The following ACACA variants were observed in gnomAD, a reference collection of about 807,000 sequenced individuals.
ACACA encodes the protein acetyl-CoA carboxylase alpha, also known as acetyl-CoA carboxylase 1.
Under a neutral mutation model 296.1 loss-of-function variants are expected in ACACA, and 103 were observed. The observed-to-expected ratio is 0.35, with a 90% CI of 0.30 to 0.41. The LOEUF (loss-of-function observed/expected upper bound fraction) is 0.41, where lower values mean the gene tolerates loss of function less well. Among genes scored for constraint, ACACA ranks in the 10% least tolerant of loss-of-function variants. The pLI is 1.00. For missense variants in ACACA, 1,554 were observed against 2,989.7 expected (o/e 0.52, Z 11.20); for synonymous variants, 953 against 1,038.6 (o/e 0.92, Z 1.58).
At chr17:37,211,318 ATG>A (rs763736412) in intron 29 of ACACA, among the ~76,000 whole-genome samples, 35 of 152,262 alleles carry the variant, frequency 2.3e-4, no homozygotes, top group Non-Finnish European at 1.5e-4. Flanking sequence ...CTTATAAAGA[ATG>A]TGCCAAATCA....
chr17:37,221,800 C>A lies in ACACA; in HGVS notation c.3607G>T (p.Val1203Leu), dbSNP rs751320605. The change falls in exon 29 of 56, where the codon GTA becomes TTA. Residue 1203 changes from valine to leucine, a missense_variant. Val to Leu is a conservative substitution (Grantham distance 32). Coordinates refer to ENST00000616317, the MANE Select transcript of ACACA (RefSeq NM_198834.3). ...TTGTCCTTAAGCTGGCGGTGTTGTA[C>A]GCTGTTAAGTTCATAGGCAATATAA... ...RAYIAYELNSVQHRQLKDNTC... is the reference protein window; with the variant it reads ...RAYIAYELNSLQHRQLKDNTC... 1.2e-6 allele frequency: 2 copies of A among 1,613,988 alleles called. No individual in the cohort carries two copies. The highest frequency in any genetic ancestry group is 2.7e-5 in the African/African-American group (2 of 74,902).
chr17:37,263,795 C>G lies in ACACA; in HGVS notation c.1219G>C (p.Ala407Pro). ...CAATCACGACCAAACAAAGAGATAG[C>G]ATTGCCATATTGGTCCGCTAAGATC... is the stretch of plus-strand genomic sequence containing the variant. ...VQILADQYGNAISLFGRDCSV... is the reference protein window; with the variant it reads ...VQILADQYGNPISLFGRDCSV... Residue 407 changes from alanine to proline, a missense_variant, in exon 11 of 56, where the codon GCT becomes CCT. By Grantham distance (27) the Ala-to-Pro change is conservative. This residue lies in a region of ACACA where 82 missense variants were observed against 185.2 expected (regional missense o/e 0.44). Transcript: ENST00000616317. 1 of 1,614,048 alleles carries G rather than the reference C, an allele frequency of 6.2e-7. No homozygotes were observed. The highest frequency in any genetic ancestry group is 8.5e-7 in the Non-Finnish European group (1 of 1,179,996).
At position 37,225,019 on chromosome 17, in the gene ACACA, T is replaced by C; in HGVS notation, c.3447A>G (p.Gly1149=). 6.2e-7 allele frequency: 1 copy of C among 1,608,394 alleles called. No homozygotes were observed. Among genetic ancestry groups the C allele is most frequent in the South Asian group, 1.1e-5 (1 of 90,926 alleles). ...GCAGGTTCTCAATGCAAAATTGATG[T>C]CCATACATGTCAATAGCTGATAGGA... ...SIFLSAIDMY[G]HQFCIENLQK... Residue 1149 remains glycine (G), a synonymous_variant, in exon 27 of 56, where the codon GGA becomes GGG. Transcript: ENST00000616317.
chr17:37,242,015 G>A lies in ACACA; in HGVS notation c.2970C>T (p.Asn990=), dbSNP rs867660985. The A allele has an allele frequency of 1.4e-5, 22 of 1,613,904 alleles. No homozygotes were observed. In the Middle Eastern group the frequency reaches 3.6e-3, roughly 266 times the overall value. The change falls in exon 23 of 56, where the codon AAC becomes AAT. Residue 990 remains asparagine (N), a synonymous_variant. Transcript: ENST00000616317. ...AGAAGACTTCCCGTTCAGATTTCCG[G>A]TTCAATGTAGCTGCATGGCTATCTA... The part of the protein sequence containing the change: ...NILDSHAATL[N]RKSEREVFFM...
chr17:37,305,891 AGTTTTTTTTTTT>A (rs2083852335), intron 3 of ACACA, among the ~76,000 whole-genome samples: 2 of 137,178 alleles, frequency 1.5e-5, no homozygotes, highest in Admixed American at 7.6e-5. Flanking sequence ...GAATTTTAGC[AGTTTTTTTTTTT>A]GTTTTTTTTT....
rs182233732 is a variant in ACACA at position 37,336,726 on chromosome 17, G to A, written c.85+3078C>T. On this transcript the variant is annotated intron_variant, in intron 2 of 55. Transcript: ENST00000616317. ...AATAATTCCCAATTGTGATTTTGAA[G>A]TGCTCTAAGATATGGTACATTAATA... Among the ~76,000 whole-genome samples the A allele has an allele frequency of 1.7e-3, 261 of 152,254 alleles. 1 individual carries two copies. The highest frequency in any genetic ancestry group is 5.9e-3 in the African/African-American group (246 of 41,554).
chr17:37,366,294 G>C (rs73285184), intron 1 of ACACA, among the ~76,000 whole-genome samples: 5,807 of 151,928 alleles, frequency 0.038, 312 homozygotes, highest in African/African-American at 0.12. Flanking sequence ...ACTCTCTATT[G>C]TTGTTATTAT....
chr17:37,226,458 T>C lies in ACACA; in HGVS notation c.3247-6A>G, dbSNP rs753223532. 30 of 1,607,674 alleles carry C rather than the reference T, an allele frequency of 1.9e-5. No homozygotes were observed. Among genetic ancestry groups the C allele is most frequent in the Non-Finnish European group, 2.6e-5 (30 of 1,174,310 alleles). ...TCCCGGCCACACAACTGATCCTAAT[T>C]GTTAATGTAAAAAAGAACATAGATA... On this transcript the variant is annotated splice_polypyrimidine_tract_variant and splice_region_variant and intron_variant, in intron 25 of 55. Transcript: ENST00000616317.
rs2077783956 is a variant in ACACA at position 37,192,089 on chromosome 17, C to A, written c.4416+1G>T. 1 of 1,614,018 alleles carries A rather than the reference C, an allele frequency of 6.2e-7. No individual in the cohort carries two copies. Among genetic ancestry groups the A allele is most frequent in the Non-Finnish European group, 8.5e-7 (1 of 1,179,968 alleles). On this transcript the variant is annotated splice_donor_variant, in intron 37 of 55. Transcript: ENST00000616317. LOFTEE classifies it high-confidence loss of function. Reference sequence around the variant, plus strand: ...ACATCCCATTAAAGTACAGCACCCACCTTGGTGACCAGATCAGAATGCCTG... The same window carrying A: ...ACATCCCATTAAAGTACAGCACCCAACTTGGTGACCAGATCAGAATGCCTG...
chr17:37,153,452 C>T (rs987941313), intron 43 of ACACA, among the ~76,000 whole-genome samples: 3 of 152,182 alleles, frequency 2.0e-5, no homozygotes, highest in East Asian at 1.9e-4. Flanking sequence ...CACAGTTTAA[C>T]GTTAGAATGG....
At chr17:37,187,124 T>C (rs2077568495) in intron 39 of ACACA, among the ~76,000 whole-genome samples, 1 of 152,202 alleles carries the variant, frequency 6.6e-6, no homozygotes, top group Non-Finnish European at 1.5e-5. Flanking sequence ...CTCTTTCTCT[T>C]GGTCACCACT....
chr17:37,366,595 A>G (rs985866674), intron 1 of ACACA, among the ~76,000 whole-genome samples: 1 of 151,662 alleles, frequency 6.6e-6, no homozygotes, highest in African/African-American at 2.4e-5. Flanking sequence ...CAGCCTCCCA[A>G]GTAGCTGGGA....
chr17:37,342,406 CAAAAAAAAAAAAAAA>C (rs1173872959), intron 1 of ACACA, among the ~76,000 whole-genome samples: 1 of 21,110 alleles, frequency 4.7e-5, no homozygotes, highest in Non-Finnish European at 8.2e-5. Context: ...GACTGTCTCT[CAAAAAAAAAAAAAAA>C]AAAAAAAAAA....
intron 50 of ACACA, among the ~76,000 whole-genome samples, chr17:37,120,267 G>GT (rs1047504638): frequency 6.6e-6 from 1 of 150,714 alleles, no homozygotes; most frequent in Non-Finnish European, 1.5e-5. Flanking sequence ...CTATCCTACT[G>GT]TTTTTTCCTT....
At chr17:37,379,669 A>G (rs890585484) in intron 1 of ACACA, among the ~76,000 whole-genome samples, 2 of 152,030 alleles carry the variant, frequency 1.3e-5, no homozygotes, top group Non-Finnish European at 2.9e-5. Context: ...AAAACACATG[A>G]AAAAATGCTC....
chr17:37,225,073 C>T lies in ACACA; in HGVS notation c.3393G>A (p.Glu1131=). The stretch of plus-strand genomic sequence containing the variant: ...TAGACTCTACTTGGTTATGGCGAAG[C>T]TCATATGATGGCAAATGGGAGGCAA... The part of the protein sequence containing the change: ...VLIASHLPSY[E]LRHNQVESIF... Residue 1131 remains glutamate (E), a synonymous_variant, in exon 27 of 56, where the codon GAG becomes GAA. Transcript: ENST00000616317. 6.2e-7 allele frequency: 1 copy of T among 1,612,876 alleles called. No individual in the cohort carries two copies. Among genetic ancestry groups the T allele is most frequent in the South Asian group, 1.1e-5 (1 of 91,042 alleles).
intron 39 of ACACA, among the ~76,000 whole-genome samples, chr17:37,181,900 C>CAAAAAAAAA (rs61045031): frequency 4.5e-5 from 1 of 22,234 alleles, no homozygotes. Context: ...ACTCTGTATC[C>CAAAAAAAAA]AAAAAAAAAA....
At chr17:37,325,347 C>T (rs1185334601) in intron 3 of ACACA, among the ~76,000 whole-genome samples, 1 of 145,580 alleles carries the variant, frequency 6.9e-6, no homozygotes, top group South Asian at 2.2e-4. Flanking sequence ...GCCTGTACAA[C>T]AAGAGTGAAA....
Position 37,380,872 on chromosome 17 carries a change from A to G in ACACA, c.38+25390T>C, listed in dbSNP as rs547833215. ...TGGCCTCCCAAACTGCTGGGATTAC[A>G]GGCGTGAGCCACCGTGCCTGGCCAG... On this transcript the variant is annotated intron_variant, in intron 1 of 55. Coordinates refer to ENST00000616317, the MANE Select transcript of ACACA (RefSeq NM_198834.3). 4.6e-5 allele frequency among the ~76,000 whole-genome samples: 7 copies of G among 151,810 alleles called. No individual in the cohort carries two copies. In the East Asian group the frequency reaches 1.2e-3, roughly 25 times the overall value.
Sources: allele counts gnomAD v4.1 joint callset (sites outside exome capture counted in the v4.1 genomes callset), GRCh38; gene constraint gnomAD v4.1.1; regional missense constraint gnomAD v4.1.1; transcripts MANE v1.5; gene names NCBI Gene and HGNC (gene_info 2026-07-23, HGNC 2026-07-21).